Variants in CUBN observed in about 807,000 individuals in gnomAD.
CUBN encodes cubilin, also known as 460 kDa receptor.
Under a neutral mutation model 405.3 loss-of-function variants are expected in CUBN, and 282 were observed. The ratio of observed to expected loss-of-function variants is 0.70; its 90% CI spans 0.63 to 0.77. CUBN has a LOEUF of 0.77. Ranked by LOEUF, CUBN falls within the 30% of genes least tolerant of loss-of-function variation. The pLI, the probability that CUBN is intolerant of heterozygous loss-of-function variation, is 0.00. For missense variants in CUBN, 4,514 were observed against 4,475.2 expected (o/e 1.01, Z -0.25); for synonymous variants, 1,684 against 1,617.0 (o/e 1.04, Z -0.99).
intron 59 of CUBN, among the ~76,000 whole-genome samples, chr10:16,860,527 A>G (rs751934571): frequency 3.9e-5 from 6 of 152,228 alleles, no homozygotes; most frequent in Non-Finnish European, 8.8e-5. Flanking sequence ...CTGAGCTTCT[A>G]ACTCTCTTAT....
chr10:16,930,281 T>C (rs1451343722), intron 40 of CUBN, among the ~76,000 whole-genome samples: 1 of 152,218 alleles, frequency 6.6e-6, no homozygotes, highest in Admixed American at 6.5e-5. Flanking sequence ...CCCCTTTAAG[T>C]GCTTCACATG....
chr10:16,968,406 T>C (rs7082909), intron 31 of CUBN, among the ~76,000 whole-genome samples: 29,075 of 152,128 alleles, frequency 0.19, 3,211 homozygotes, highest in Non-Finnish European at 0.25. Flanking sequence ...TTACTAATCA[T>C]ATTGCTTTTG....
chr10:17,011,618 G>A (rs748030897), intron 28 of CUBN, among the ~76,000 whole-genome samples: 8 of 152,194 alleles, frequency 5.3e-5, no homozygotes, highest in African/African-American at 1.4e-4. Context: ...CTGCTAGCTC[G>A]GGTGGCCAGC....
intron 54 of CUBN, 25 bp from the exon 55 acceptor site, chr10:16,890,552 T>G (rs1295349993): frequency 1.2e-6 from 2 of 1,613,794 alleles, no homozygotes; most frequent in South Asian, 2.2e-5. Context: ...CACAGAACTT[T>G]AATGCTCAAG....
intron 4 of CUBN, 93 bp from the exon 5 acceptor site, chr10:17,123,782 A>C: frequency 1.3e-6 from 1 of 794,786 alleles, no homozygotes; most frequent in South Asian, 1.5e-5. Flanking sequence ...TTTAACTCTT[A>C]ATCAGTGGGG....
At chr10:16,891,569 A>G (rs1261943195) in intron 54 of CUBN, among the ~76,000 whole-genome samples, 1 of 152,172 alleles carries the variant, frequency 6.6e-6, no homozygotes, top group African/African-American at 2.4e-5. Flanking sequence ...AAACATTACA[A>G]TTCGGAAAAT....
At chr10:17,100,346 G>C in intron 13 of CUBN, 107 bp from the exon 14 acceptor site, 3 of 739,406 alleles carry the variant, frequency 4.1e-6, no homozygotes, top group Admixed American at 2.0e-5. Flanking sequence ...TCAAGAGCTA[G>C]ACCTATCATT....
At chr10:16,962,526 C>G (rs1351122343) in intron 31 of CUBN, among the ~76,000 whole-genome samples, 1 of 152,148 alleles carries the variant, frequency 6.6e-6, no homozygotes, top group Non-Finnish European at 1.5e-5. Context: ...TCTGTGTAAT[C>G]TCCTCCCTGG....
chr10:16,874,381 C>G lies in CUBN; in HGVS notation c.9229G>C (p.Glu3077Gln). ...TITVSDDKVI[E>Q]LKFSDFDVVP... ...CCAATTTGTCTTACGTACTTGAGCT[C>G]GATCACCTTGTCGTCACTAACGGTG... The change falls in exon 58 of 67, where the codon GAG (glutamate) becomes CAG (glutamine). Residue 3077 changes from glutamate (E) to glutamine (Q), a missense_variant. Glu to Gln is a conservative substitution (Grantham distance 29). This residue lies in a region of CUBN where 1,186 missense variants were observed against 1,186.9 expected (regional missense o/e 1.00). Transcript: ENST00000377833. The G allele has an allele frequency of 1.2e-6, 2 of 1,614,122 alleles. No individual in the cohort carries two copies. Among genetic ancestry groups the G allele is most frequent in the Non-Finnish European group, 1.7e-6 (2 of 1,180,008 alleles).
At chr10:16,877,847 T>C (rs1268121094) in intron 56 of CUBN, among the ~76,000 whole-genome samples, 1 of 152,250 alleles carries the variant, frequency 6.6e-6, no homozygotes. Context: ...CAGTGATTTT[T>C]GTAGGTGAAC....
intron 54 of CUBN, among the ~76,000 whole-genome samples, chr10:16,896,580 C>T (rs1334234734): frequency 6.6e-6 from 1 of 152,176 alleles, no homozygotes; most frequent in Non-Finnish European, 1.5e-5. Flanking sequence ...TCTCTGACTG[C>T]TTTCAAGACT....
At chr10:17,096,151 A>C (rs767253486) in intron 14 of CUBN, among the ~76,000 whole-genome samples, 7 of 152,028 alleles carry the variant, frequency 4.6e-5, no homozygotes, top group Non-Finnish European at 1.0e-4. Context: ...CAATAGGGAA[A>C]TGTTGGTCAA....
In CUBN at chr10:17,075,863, TA is replaced by T. The variant is rs371889371; in HGVS notation, c.2302-3893del. ...TTTCTGTTTGCCCTTCAGCATCTAA[TA>T]AAAAAAACTTTGCAAATAGGTATTT... is the stretch of plus-strand genomic sequence containing the variant. On this transcript the variant is annotated intron_variant, in intron 17 of 66. Coordinates refer to ENST00000377833, the MANE Select transcript of CUBN (RefSeq NM_001081.4). Among the ~76,000 whole-genome samples, 106 of 152,186 alleles carry T rather than the reference TA, an allele frequency of 7.0e-4. 1 individual carries two copies. In the East Asian group the frequency reaches 0.017, roughly 24 times the overall value.
At chr10:16,927,186 A>G (rs931074573) in intron 41 of CUBN, among the ~76,000 whole-genome samples, 20 of 152,242 alleles carry the variant, frequency 1.3e-4, no homozygotes, top group African/African-American at 7.2e-5. Context: ...ACATGTATGT[A>G]TGTATAATGA....
At chr10:16,968,386 G>C (rs1843460542) in intron 31 of CUBN, among the ~76,000 whole-genome samples, 1 of 151,890 alleles carries the variant, frequency 6.6e-6, no homozygotes, top group African/African-American at 2.4e-5. Context: ...GCCACAAAAA[G>C]CTTCAGAAGT....
At chr10:17,063,716 TAC>T (rs2131840261) in intron 22 of CUBN, among the ~76,000 whole-genome samples, 1 of 152,368 alleles carries the variant, frequency 6.6e-6, no homozygotes, top group African/African-American at 2.4e-5. Flanking sequence ...AGGTATGTCT[TAC>T]TTTGCATATC....
At chr10:16,882,101 G>C (rs1840679207) in intron 56 of CUBN, among the ~76,000 whole-genome samples, 1 of 152,182 alleles carries the variant, frequency 6.6e-6, no homozygotes. Flanking sequence ...GTTGAGGTTT[G>C]GAAAAACTTC....
chr10:16,912,660 C>T (rs2131450064), intron 48 of CUBN, among the ~76,000 whole-genome samples: 1 of 152,156 alleles, frequency 6.6e-6, no homozygotes, highest in East Asian at 1.9e-4. Context: ...CAGATGAAGG[C>T]AACAGCCAGA....
At chr10:17,095,379 A>G (rs1383537532) in intron 14 of CUBN, among the ~76,000 whole-genome samples, 2 of 152,030 alleles carry the variant, frequency 1.3e-5, no homozygotes, top group African/African-American at 2.4e-5. Context: ...GCACAACTGA[A>G]ATATATAAAA....
Sources: gnomAD v4.1 joint callset for allele counts (sites outside exome capture counted in the v4.1 genomes callset) on GRCh38, gnomAD v4.1.1 for gene constraint, gnomAD v4.1.1 regional missense constraint, MANE v1.5 for transcripts, NCBI Gene and HGNC (gene_info 2026-07-23, HGNC 2026-07-21) for gene names.